MCC: variants seen among roughly 807,000 people sequenced by gnomAD.
The protein encoded by MCC is MCC regulator of Wnt signaling pathway.
MCC carries 90 observed loss-of-function variants against 116.2 expected under a neutral mutation model. The observed-to-expected ratio is 0.77, with a 90% confidence interval of 0.65 to 0.92. The LOEUF (loss-of-function observed/expected upper bound fraction) is 0.92. MCC is among the 40% of genes least tolerant of loss of function. The probability of loss-of-function intolerance (pLI) is 0.00; values close to 1 mark genes in which losing one functional copy is unlikely to be tolerated. For synonymous variants in MCC, 578 were observed against 510.5 expected (o/e 1.13, Z -1.78); for missense variants, 1,516 against 1,312.2 (o/e 1.16, Z -2.40).
intron 3 of MCC, among the ~76,000 whole-genome samples, chr5:113,295,743 T>C (rs1035425146): frequency 6.6e-6 from 1 of 152,186 alleles, no homozygotes; most frequent in Non-Finnish European, 1.5e-5. Flanking sequence ...AGAGGGGAAC[T>C]AGGATTTTTC....
intron 5 of MCC, among the ~76,000 whole-genome samples, chr5:113,141,342 G>A (rs1259529987): frequency 6.6e-6 from 1 of 152,184 alleles, no homozygotes; most frequent in Non-Finnish European, 1.5e-5. Context: ...CAGCATCCCA[G>A]GATCTCAAGC....
At chr5:113,476,282 C>T (rs1285070402) in intron 1 of MCC, among the ~76,000 whole-genome samples, 5 of 152,048 alleles carry the variant, frequency 3.3e-5, no homozygotes, top group East Asian at 1.9e-4. Context: ...TCGTACTTCC[C>T]GATTTCAAAA....
intron 8 of MCC, among the ~76,000 whole-genome samples, chr5:113,098,965 C>G (rs76095206): frequency 0.015 from 2,212 of 152,248 alleles, 21 homozygotes; most frequent in Middle Eastern, 0.037. Flanking sequence ...AGCTACACAT[C>G]GTCAAGAACA....
intron 3 of MCC, among the ~76,000 whole-genome samples, chr5:113,206,119 C>T (rs865835679): frequency 1.2e-4 from 18 of 152,216 alleles, no homozygotes; most frequent in African/African-American, 4.3e-4. Context: ...CTACGGCTTG[C>T]AGTCATTGAC....
chr5:113,331,571 T>A (rs971105361), intron 3 of MCC, among the ~76,000 whole-genome samples: 2 of 151,740 alleles, frequency 1.3e-5, no homozygotes, highest in African/African-American at 2.4e-5. Flanking sequence ...GATCCTTCTC[T>A]CTGTAGGTAG....
chr5:113,140,279 C>T (rs1298949467), intron 5 of MCC, among the ~76,000 whole-genome samples: 2 of 152,122 alleles, frequency 1.3e-5, no homozygotes, highest in Non-Finnish European at 2.9e-5. Context: ...ACAGAGTCTC[C>T]AAGCAAAATA....
chr5:113,436,180 C>T (rs1329177613), intron 1 of MCC: 1 of 152,728 alleles, frequency 6.5e-6, no homozygotes, highest in African/African-American at 2.4e-5. Flanking sequence ...GCCCTTCTCC[C>T]TTTTCTCTGC....
At chr5:113,446,994 G>A (rs1301254469) in intron 1 of MCC, among the ~76,000 whole-genome samples, 1 of 152,012 alleles carries the variant, frequency 6.6e-6, no homozygotes, top group African/African-American at 2.4e-5. Flanking sequence ...CTAGTAACTG[G>A]TCCAACCCTC....
chr5:113,375,063 A>G (rs1410945691), intron 2 of MCC, among the ~76,000 whole-genome samples: 1 of 151,872 alleles, frequency 6.6e-6, no homozygotes, highest in Non-Finnish European at 1.5e-5. Context: ...ACCCAACCAC[A>G]GCTATGTACT....
chr5:113,054,079 CA>C, intron 14 of MCC, 120 bp from the exon 15 acceptor site: 1 of 701,038 alleles, frequency 1.4e-6, no homozygotes, highest in Non-Finnish European at 2.4e-6. Context: ...GATGGTAATC[CA>C]AAAATCAGTT....
intron 13 of MCC, among the ~76,000 whole-genome samples, chr5:113,064,736 G>A (rs1021639983): frequency 2.0e-5 from 3 of 152,156 alleles, no homozygotes; most frequent in Admixed American, 6.5e-5. Flanking sequence ...GGTAATCGGC[G>A]TGAACTCAAA....
intron 3 of MCC, among the ~76,000 whole-genome samples, chr5:113,199,674 G>A (rs1252409679): frequency 6.6e-6 from 1 of 152,220 alleles, no homozygotes; most frequent in East Asian, 1.9e-4. Flanking sequence ...TGAATGGGGT[G>A]AAGGCAGTTG....
chr5:113,329,324 A>T (rs959669918), intron 3 of MCC, among the ~76,000 whole-genome samples: 1 of 152,104 alleles, frequency 6.6e-6, no homozygotes, highest in African/African-American at 2.4e-5. Flanking sequence ...GAATTGGAAG[A>T]AGAGCATCTT....
intron 6 of MCC, among the ~76,000 whole-genome samples, chr5:113,112,795 TAACATGTAAAATA>T (rs931572955): frequency 6.6e-6 from 1 of 152,234 alleles, no homozygotes; most frequent in African/African-American, 2.4e-5. Context: ...TGGATGAGAT[TAACATGTAAAATA>T]AATGGAAGAC....
intron 18 of MCC, 89 bp downstream of exon 18, chr5:113,028,845 C>G (rs1021645016): frequency 2.8e-6 from 4 of 1,440,974 alleles, no homozygotes; most frequent in African/African-American, 2.8e-5. Context: ...AGGGAAATGT[C>G]CATCCCTGGT....
At chr5:113,167,032 C>T (rs982384491) in intron 3 of MCC, among the ~76,000 whole-genome samples, 5 of 152,132 alleles carry the variant, frequency 3.3e-5, no homozygotes, top group African/African-American at 7.2e-5. Flanking sequence ...CCAGTCGGGG[C>T]GAGTCTCATC....
At chr5:113,062,705 T>G (rs761490033) in intron 14 of MCC, among the ~76,000 whole-genome samples, 17 of 152,256 alleles carry the variant, frequency 1.1e-4, no homozygotes, top group Admixed American at 5.9e-4. Flanking sequence ...CTTCACTGAA[T>G]GAGACAATTG....
intron 3 of MCC, among the ~76,000 whole-genome samples, chr5:113,207,688 T>G (rs1386088504): frequency 6.6e-6 from 1 of 152,174 alleles, no homozygotes; most frequent in Non-Finnish European, 1.5e-5. Flanking sequence ...TATGAGCACA[T>G]TTACAAAAAT....
At chr5:113,284,902 A>C (rs949948862) in intron 3 of MCC, among the ~76,000 whole-genome samples, 1 of 152,236 alleles carries the variant, frequency 6.6e-6, no homozygotes. Flanking sequence ...AAATGGGTCC[A>C]TGTGACAGTG....
Sources: gnomAD v4.1 joint callset for allele counts (sites outside exome capture counted in the v4.1 genomes callset) on GRCh38, gnomAD v4.1.1 for gene constraint, MANE v1.5 for transcripts, NCBI Gene and HGNC (gene_info 2026-07-23, HGNC 2026-07-21) for gene names.